OSBPL10: variants seen among roughly 807,000 people sequenced by gnomAD.
OSBPL10 encodes the protein oxysterol-binding protein-related protein 10.
OSBPL10 carries 49 observed loss-of-function variants against 81.7 expected under a neutral mutation model. That is an observed-to-expected ratio of 0.60 (90% confidence interval 0.48 to 0.76). The LOEUF (loss-of-function observed/expected upper bound fraction) is 0.76, where lower values mean the gene tolerates loss of function less well. OSBPL10 is among the 30% of genes least tolerant of loss of function. OSBPL10 has a pLI of 0.00. For missense variants in OSBPL10, 923 were observed against 987.8 expected (o/e 0.93, Z 0.88); for synonymous variants, 419 against 383.6 (o/e 1.09, Z -1.08).
chr3:31,956,197 A>C (rs1351898181), intron 1 of OSBPL10, among the ~76,000 whole-genome samples: 1 of 152,168 alleles, frequency 6.6e-6, no homozygotes, highest in Non-Finnish European at 1.5e-5. Flanking sequence ...CCTGCCTCCC[A>C]CATTTTGAGC....
chr3:31,759,232 G>A (rs892442415), intron 4 of OSBPL10, among the ~76,000 whole-genome samples: 1 of 152,158 alleles, frequency 6.6e-6, no homozygotes, highest in African/African-American at 2.4e-5. Context: ...CAAAGGATCA[G>A]TGAGTAAGTG....
At chr3:31,727,995 C>T (rs549232276) in intron 6 of OSBPL10, among the ~76,000 whole-genome samples, 4 of 152,258 alleles carry the variant, frequency 2.6e-5, no homozygotes, top group Admixed American at 2.0e-4. Flanking sequence ...ATTCTTGACG[C>T]AGAACTCAGC....
intron 4 of OSBPL10, among the ~76,000 whole-genome samples, chr3:31,812,080 T>G (rs980665461): frequency 6.6e-5 from 10 of 152,196 alleles, no homozygotes; most frequent in African/African-American, 2.4e-4. Context: ...CAGGCTGGAG[T>G]GCAGTGTCGC....
chr3:31,844,142 A>C (rs987277576), intron 3 of OSBPL10, among the ~76,000 whole-genome samples: 1 of 152,232 alleles, frequency 6.6e-6, no homozygotes, highest in African/African-American at 2.4e-5. Flanking sequence ...AGTCAGGCAA[A>C]AGGGGACCCA....
At chr3:31,923,938 G>A (rs1357781778) in intron 1 of OSBPL10, among the ~76,000 whole-genome samples, 1 of 152,098 alleles carries the variant, frequency 6.6e-6, no homozygotes, top group African/African-American at 2.4e-5. Flanking sequence ...ATTTGTCAAG[G>A]CCATGTGTGG....
chr3:31,799,945 T>C (rs1161179586), intron 4 of OSBPL10, among the ~76,000 whole-genome samples: 1 of 152,216 alleles, frequency 6.6e-6, no homozygotes, highest in Non-Finnish European at 1.5e-5. Context: ...CCTGACCTCA[T>C]GATCCGCCCA....
Position 31,879,833 on chromosome 3 carries a change from GCA to G in OSBPL10, c.282-5_282-4del. 2 of 1,612,568 alleles carry G rather than the reference GCA, an allele frequency of 1.2e-6. No homozygotes were observed. Among genetic ancestry groups the G allele is most frequent in the Non-Finnish European group, 1.7e-6 (2 of 1,179,472 alleles). On this transcript the variant is annotated splice_region_variant and splice_polypyrimidine_tract_variant and intron_variant, in intron 1 of 11. Coordinates refer to ENST00000396556, the MANE Select transcript of OSBPL10 (RefSeq NM_017784.5). The stretch of plus-strand genomic sequence containing the variant: ...CCTCGAAATCCAGTACGAAGTACCT[GCA>G]CAGAGAAACCACAGTACATCATTTT...
At chr3:31,854,746 T>C (rs1575584516) in intron 3 of OSBPL10, among the ~76,000 whole-genome samples, 4 of 152,204 alleles carry the variant, frequency 2.6e-5, no homozygotes, top group African/African-American at 9.6e-5. Context: ...TTCCCCACTT[T>C]AAAATAAACA....
intron 4 of OSBPL10, among the ~76,000 whole-genome samples, chr3:31,796,832 A>G (rs550660727): frequency 6.6e-6 from 1 of 152,252 alleles, no homozygotes; most frequent in South Asian, 2.1e-4. Context: ...CCACACAGGA[A>G]GTGTCAACTT....
intron 4 of OSBPL10, among the ~76,000 whole-genome samples, chr3:31,768,879 A>AC (rs1359012873): frequency 5.3e-5 from 8 of 152,240 alleles, no homozygotes; most frequent in Non-Finnish European, 1.2e-4. Flanking sequence ...GGTAGGTATT[A>AC]CCCCTTAAAG....
At chr3:31,755,900 G>A (rs772135430) in intron 4 of OSBPL10, among the ~76,000 whole-genome samples, 1 of 152,180 alleles carries the variant, frequency 6.6e-6, no homozygotes, top group Non-Finnish European at 1.5e-5. Flanking sequence ...CCAAGAAACT[G>A]ATTCCTTTCT....
At chr3:31,740,630 T>C (rs1697312646) in intron 5 of OSBPL10, among the ~76,000 whole-genome samples, 1 of 151,782 alleles carries the variant, frequency 6.6e-6, no homozygotes, top group Admixed American at 6.6e-5. Flanking sequence ...AAGCTGGGTA[T>C]GGTGGCATAC....
At chr3:31,852,100 C>A (rs956937499) in intron 3 of OSBPL10, among the ~76,000 whole-genome samples, 15 of 152,316 alleles carry the variant, frequency 9.8e-5, no homozygotes, top group South Asian at 2.1e-4. Context: ...TGACCTCAAG[C>A]CTCACTTCTG....
At chr3:31,982,662 A>T (rs1698874019), upstream of OSBPL10, among the ~76,000 whole-genome samples, 1 of 151,796 alleles carries the variant, frequency 6.6e-6, no homozygotes, top group African/African-American at 2.4e-5. Context: ...AAAAAAAAAA[A>T]ATCTGAAAAG....
intron 3 of OSBPL10, among the ~76,000 whole-genome samples, chr3:31,832,595 T>C (rs1446067199): frequency 6.6e-6 from 1 of 152,158 alleles, no homozygotes; most frequent in Non-Finnish European, 1.5e-5. Context: ...ATAATATTGC[T>C]GGGGATGTAA....
chr3:31,775,554 C>T (rs757627897), intron 4 of OSBPL10, among the ~76,000 whole-genome samples: 20 of 151,946 alleles, frequency 1.3e-4, no homozygotes, highest in African/African-American at 3.4e-4. Context: ...GTGAGTGAGA[C>T]GGCAGAGGTC....
At chr3:31,960,904 A>T (rs1698140953) in intron 1 of OSBPL10, among the ~76,000 whole-genome samples, 1 of 152,174 alleles carries the variant, frequency 6.6e-6, no homozygotes, top group Non-Finnish European at 1.5e-5. Context: ...ATAGATTACA[A>T]GGTCTAAAAA....
chr3:31,861,801 C>T (rs917563807), intron 3 of OSBPL10, among the ~76,000 whole-genome samples: 5 of 152,144 alleles, frequency 3.3e-5, no homozygotes, highest in African/African-American at 7.2e-5. Flanking sequence ...GGTGGCATCA[C>T]CTCGGGTGAC....
intron 3 of OSBPL10, among the ~76,000 whole-genome samples, chr3:31,835,349 T>C (rs1055569888): frequency 6.6e-6 from 1 of 151,366 alleles, no homozygotes; most frequent in African/African-American, 2.4e-5. Flanking sequence ...ATACTTGCGA[T>C]AAACAAAGTT....
Sources: allele counts gnomAD v4.1 joint callset (sites outside exome capture counted in the v4.1 genomes callset), GRCh38; gene constraint gnomAD v4.1.1; transcripts MANE v1.5; gene names NCBI Gene and HGNC (gene_info 2026-07-23, HGNC 2026-07-21).